The following RASSF3 variants were observed in gnomAD, a reference collection of about 807,000 sequenced individuals.
The protein encoded by RASSF3 is Ras association domain family member 3.
A neutral mutation model predicts 19.9 loss-of-function variants in RASSF3; 19 were observed. That is an observed-to-expected ratio of 0.96 (90% CI 0.67 to 1.40). RASSF3 has a LOEUF of 1.40. Among genes scored for constraint, RASSF3 ranks in the 40% most tolerant of loss-of-function variants. The pLI is 0.00. For synonymous variants in RASSF3, 110 were observed against 104.2 expected (o/e 1.06, Z -0.34); for missense variants, 306 against 289.8 (o/e 1.06, Z -0.41).
rs762822586 is a variant in RASSF3 at position 64,689,791 on chromosome 12, C to CTTTTTTTTTTTTTTTTTTTTTTTT, written c.457+1351_457+1352insTTTTTTTTTTTTTTTTTTTTTTTT. On this transcript the variant is annotated intron_variant, in intron 3 of 4. Coordinates refer to ENST00000542104, the MANE Select transcript of RASSF3 (RefSeq NM_178169.4). ...GTTTGTAGCTGCTAATTCGCTAATTCTTTTTTTTTTTTTGAGACGGAGTCT... is the reference window on the plus strand; with the variant it reads ...GTTTGTAGCTGCTAATTCGCTAATTCTTTTTTTTTTTTTTTTTTTTTTTTTTTTTTTTTTTTTGAGACGGAGTCT... Among the ~76,000 whole-genome samples, 12 of 96,556 alleles carry CTTTTTTTTTTTTTTTTTTTTTTTT rather than the reference C, an allele frequency of 1.2e-4. 1 individual carries two copies. The highest frequency in any genetic ancestry group is 2.0e-4 in the Non-Finnish European group (10 of 49,920). The allele number at this position is 96,556 out of a possible 152,430, so 63.3% of individuals were successfully genotyped here. A position where few individuals can be genotyped will look rare whatever the true frequency, so the allele number is the denominator to read the frequency against.
At position 64,695,415 on chromosome 12, in the gene RASSF3, CTG is replaced by C. The variant is rs1397478711; in HGVS notation, c.*504_*505del. On this transcript the variant is annotated 3_prime_UTR_variant, in exon 5 of 5. Transcript: ENST00000542104. ...CGAAAGGCACAGGAATCTAGGAACT[CTG>C]AGGAATTTATTGTGAAGGATTTTGT... The C allele has an allele frequency of 6.6e-6, 1 of 152,332 alleles. No individual in the cohort carries two copies. The highest frequency in any genetic ancestry group is 1.5e-5 in the Non-Finnish European group (1 of 68,214). 9.4% of individuals were successfully genotyped at this position (152,332 alleles called of 1,614,324 possible).
At chr12:64,638,306 C>T (rs1011085883) in intron 1 of RASSF3, among the ~76,000 whole-genome samples, 7 of 152,104 alleles carry the variant, frequency 4.6e-5, no homozygotes, top group African/African-American at 1.4e-4. Context: ...ATGGGCCGGG[C>T]GCCGTGGCTC....
chr12:64,542,358 C>A (rs532331108), downstream of RASSF3, among the ~76,000 whole-genome samples: 16 of 152,188 alleles, frequency 1.1e-4, no homozygotes, highest in Non-Finnish European at 2.2e-4. Context: ...AGAACCTGAG[C>A]ATGAACACTG....
intron 1 of RASSF3, among the ~76,000 whole-genome samples, chr12:64,681,807 G>T (rs1351227344): frequency 6.6e-6 from 1 of 152,096 alleles, no homozygotes; most frequent in Non-Finnish European, 1.5e-5. Flanking sequence ...GAGCCCAGGA[G>T]TTCGAGAGCA....
intron 1 of RASSF3, among the ~76,000 whole-genome samples, chr12:64,670,367 A>C (rs954173800): frequency 1.4e-5 from 1 of 72,094 alleles, no homozygotes; most frequent in African/African-American, 5.0e-5. Context: ...CCTAGATTTT[A>C]CTGTTTTTTT....
intron 1 of RASSF3, among the ~76,000 whole-genome samples, chr12:64,668,273 T>TC (rs201241235): frequency 0.015 from 1,920 of 132,374 alleles, 34 homozygotes; most frequent in African/African-American, 0.071. Flanking sequence ...TTCTTCTTCT[T>TC]TTTTTTTTTT....
At chr12:64,648,799 T>C (rs1250002314) in intron 1 of RASSF3, among the ~76,000 whole-genome samples, 1 of 116,448 alleles carries the variant, frequency 8.6e-6, no homozygotes, top group Non-Finnish European at 1.8e-5. Context: ...TGTTTTTACA[T>C]TGATTTTTTT....
At chr12:64,623,760 A>G (rs951953373) in intron 1 of RASSF3, among the ~76,000 whole-genome samples, 10 of 150,800 alleles carry the variant, frequency 6.6e-5, no homozygotes, top group Admixed American at 2.0e-4. Flanking sequence ...CTCATGCCTC[A>G]GCTTCCCGAG....
chr12:64,684,912 T>G lies in RASSF3; in HGVS notation c.219+18T>G. On this transcript the variant is annotated intron_variant, in intron 2 of 4. Transcript: ENST00000542104. ...TGACCTTGGTAAGCACTCAAAATAC[T>G]ATTTAGGTTGACACCTGTCAAAAGA... 7.0e-7 allele frequency: 1 copy of G among 1,432,390 alleles called. No individual in the cohort carries two copies. Among genetic ancestry groups the G allele is most frequent in the Non-Finnish European group, 9.8e-7 (1 of 1,015,646 alleles). 88.7% of individuals were successfully genotyped at this position (1,432,390 alleles called of 1,614,324 possible).
intron 1 of RASSF3, among the ~76,000 whole-genome samples, chr12:64,669,009 G>T (rs144452402): frequency 6.6e-5 from 10 of 152,204 alleles, no homozygotes; most frequent in East Asian, 1.9e-4. Flanking sequence ...TGTTCCTAAG[G>T]AAGTCAAGTC....
intron 2 of RASSF3, among the ~76,000 whole-genome samples, chr12:64,598,154 A>G (rs1448021454): frequency 6.6e-6 from 1 of 152,122 alleles, no homozygotes; most frequent in African/African-American, 2.4e-5. Context: ...CCTGACCTCA[A>G]GTGACTTGCC....
At chr12:64,684,215 A>G (rs2136218404) in intron 1 of RASSF3, among the ~76,000 whole-genome samples, 1 of 149,734 alleles carries the variant, frequency 6.7e-6, no homozygotes, top group South Asian at 2.1e-4. Context: ...CCTCCTAACT[A>G]GCTGCGACTA....
chr12:64,604,470 C>T (rs552486349), intron 2 of RASSF3, among the ~76,000 whole-genome samples: 77 of 151,664 alleles, frequency 5.1e-4, no homozygotes, highest in African/African-American at 1.8e-3. Flanking sequence ...AAACACATTG[C>T]CTTTCAGTTA....
rs558464994 is a variant in RASSF3, at chr12:64,693,429, T to C, written c.568-1334T>C. On this transcript the variant is annotated intron_variant, in intron 4 of 4. Coordinates refer to ENST00000542104, the MANE Select transcript of RASSF3 (RefSeq NM_178169.4). Reference sequence around the variant, plus strand: ...ATCTGTTTTAATTTTTTTTTTTTTCTTTTTAAAGAGACTAGGTCTTGCACT... The same window carrying C: ...ATCTGTTTTAATTTTTTTTTTTTTCCTTTTAAAGAGACTAGGTCTTGCACT... Among the ~76,000 whole-genome samples, 22 of 150,198 alleles carry C rather than the reference T, an allele frequency of 1.5e-4. No individual in the cohort carries two copies. In the South Asian group the frequency reaches 4.6e-3, roughly 31 times the overall value.
chr12:64,607,014 C>G (rs1870204974), upstream of RASSF3, among the ~76,000 whole-genome samples: 2 of 152,176 alleles, frequency 1.3e-5, no homozygotes, highest in South Asian at 4.2e-4. Context: ...CATGGTGGCT[C>G]ACACCTGTAA....
chr12:64,690,286 A>AT (rs1868262448), intron 3 of RASSF3, among the ~76,000 whole-genome samples: 1 of 152,062 alleles, frequency 6.6e-6, no homozygotes, highest in East Asian at 1.9e-4. Context: ...GGTTCCAGTG[A>AT]TTCTCCTGCC....
At chr12:64,664,297 T>TA (rs1008040216) in intron 1 of RASSF3, among the ~76,000 whole-genome samples, 4 of 152,212 alleles carry the variant, frequency 2.6e-5, no homozygotes, top group African/African-American at 7.2e-5. Context: ...TAACAAAGCT[T>TA]AAAAAAATGC....
chr12:64,597,704 C>T (rs1393690878), intron 2 of RASSF3, among the ~76,000 whole-genome samples: 1 of 152,064 alleles, frequency 6.6e-6, no homozygotes, highest in African/African-American at 2.4e-5. Flanking sequence ...GTGATCCACC[C>T]ACCTTAGCCT....
At position 64,555,112 on chromosome 12, in the gene RASSF3, T is replaced by C. The variant is rs567868461; in HGVS notation, c.294+13407T>C. 2.0e-5 allele frequency among the ~76,000 whole-genome samples: 3 copies of C among 151,942 alleles called. No individual in the cohort carries two copies. The East Asian group carries it at 5.8e-4, about 30-fold the overall frequency. On this transcript the variant is annotated intron_variant, in intron 2 of 5. Transcript: ENST00000637125. The stretch of plus-strand genomic sequence containing the variant: ...TACAAAAACCAGCTGGGTGTGGTGG[T>C]GCACATCTGTAATCCCAGCTACTCG...
Sources: allele counts gnomAD v4.1 joint callset (sites outside exome capture counted in the v4.1 genomes callset), GRCh38; gene constraint gnomAD v4.1.1; transcripts MANE v1.5; gene names NCBI Gene and HGNC (gene_info 2026-07-23, HGNC 2026-07-21).